TRPS1: variants seen among roughly 807,000 people sequenced by gnomAD.
TRPS1 encodes the protein zinc finger transcription factor Trps1.
TRPS1 carries 6 observed loss-of-function variants against 101.2 expected under a neutral mutation model. The ratio of observed to expected loss-of-function variants is 0.06; its 90% CI spans 0.03 to 0.12. The LOEUF is 0.12. TRPS1 is among the 10% of genes least tolerant of loss of function. The pLI is 1.00. For missense variants in TRPS1, 1,363 were observed against 1,567.0 expected (o/e 0.87, Z 2.20); for synonymous variants, 578 against 589.8 (o/e 0.98, Z 0.29).
chr8:115,463,376 T>C (rs73367491), intron 5 of TRPS1, among the ~76,000 whole-genome samples: 3,264 of 152,314 alleles, frequency 0.021, 120 homozygotes, highest in African/African-American at 0.069. Flanking sequence ...AGATATTTAT[T>C]TTATCCTCAG....
intron 3 of TRPS1, among the ~76,000 whole-genome samples, chr8:115,607,094 T>C (rs1818055316): frequency 6.6e-6 from 1 of 152,132 alleles, no homozygotes; most frequent in Admixed American, 6.6e-5. Context: ...CACTATTTCT[T>C]TGATTTTGCA....
At chr8:115,452,600 T>C (rs1188887791) in intron 5 of TRPS1, among the ~76,000 whole-genome samples, 3 of 152,214 alleles carry the variant, frequency 2.0e-5, no homozygotes, top group Non-Finnish European at 4.4e-5. Flanking sequence ...ACGTTCAAAC[T>C]GCTTTGTTGT....
intron 5 of TRPS1, among the ~76,000 whole-genome samples, chr8:115,495,209 A>C (rs1815119871): frequency 6.6e-6 from 1 of 152,170 alleles, no homozygotes; most frequent in Non-Finnish European, 1.5e-5. Context: ...AAGCTAAAGG[A>C]ATCACAAGGT....
At chr8:115,449,988 C>CACAG (rs1813827825) in intron 5 of TRPS1, among the ~76,000 whole-genome samples, 1 of 151,246 alleles carries the variant, frequency 6.6e-6, no homozygotes, top group Non-Finnish European at 1.5e-5. Context: ...CACACACACA[C>CACAG]AGACATACAC....
At chr8:115,492,483 G>A (rs891330949) in intron 5 of TRPS1, among the ~76,000 whole-genome samples, 8 of 74,254 alleles carry the variant, frequency 1.1e-4, no homozygotes, top group Admixed American at 2.8e-4. Flanking sequence ...GTGTGTGTGC[G>A]TGCGTGTGCG....
intron 3 of TRPS1, among the ~76,000 whole-genome samples, chr8:115,608,051 T>G (rs1028312937): frequency 1.3e-5 from 2 of 152,152 alleles, no homozygotes; most frequent in African/African-American, 4.8e-5. Flanking sequence ...TTATTGAAAC[T>G]TATTGTCTGG....
chr8:115,478,758 C>T (rs113499479), intron 5 of TRPS1, among the ~76,000 whole-genome samples: 4,479 of 150,956 alleles, frequency 0.03, 218 homozygotes, highest in African/African-American at 0.1. Context: ...GAGCCGAGAT[C>T]ACGCCACTGC....
Position 115,463,687 on chromosome 8 carries a change from T to C in TRPS1, c.2701-45235A>G, listed in dbSNP as rs555692042. On this transcript the variant is annotated intron_variant, in intron 5 of 6. Transcript: ENST00000395715. ...TTTCATTGATTTCAGCTCTCAAGTA[T>C]TCAACAATTTTTAATTTTAAAACAA... is the stretch of plus-strand genomic sequence containing the variant. Among the ~76,000 whole-genome samples, 8 of 152,302 alleles carry C rather than the reference T, an allele frequency of 5.3e-5. No homozygotes were observed. In the South Asian group the frequency reaches 1.0e-3, roughly 20 times the overall value.
At chr8:115,480,145 T>C (rs1180425230) in intron 5 of TRPS1, among the ~76,000 whole-genome samples, 1 of 152,100 alleles carries the variant, frequency 6.6e-6, no homozygotes. Context: ...GTCAGACAGA[T>C]TAAAATTAAG....
intron 5 of TRPS1, among the ~76,000 whole-genome samples, chr8:115,455,603 A>C (rs1813995620): frequency 6.6e-6 from 1 of 152,160 alleles, no homozygotes; most frequent in Admixed American, 6.5e-5. Context: ...TTAAACAGGT[A>C]ATACTGAACT....
chr8:115,598,434 G>T (rs923546622), intron 4 of TRPS1, among the ~76,000 whole-genome samples: 2 of 152,038 alleles, frequency 1.3e-5, no homozygotes, highest in African/African-American at 4.8e-5. Flanking sequence ...CAGCGCCTGA[G>T]TACCTGGGAC....
chr8:115,590,434 C>G (rs1817655061), intron 4 of TRPS1, among the ~76,000 whole-genome samples: 1 of 152,182 alleles, frequency 6.6e-6, no homozygotes, highest in South Asian at 2.1e-4. Context: ...ACTGACACTT[C>G]TACCAAAACT....
At chr8:115,592,625 T>A (rs947131422) in intron 4 of TRPS1, among the ~76,000 whole-genome samples, 1 of 152,130 alleles carries the variant, frequency 6.6e-6, no homozygotes, top group Non-Finnish European at 1.5e-5. Context: ...AGAAAACATA[T>A]TAAAAAGACA....
At chr8:115,457,443 T>C (rs1017202600) in intron 5 of TRPS1, among the ~76,000 whole-genome samples, 1 of 152,140 alleles carries the variant, frequency 6.6e-6, no homozygotes, top group Non-Finnish European at 1.5e-5. Flanking sequence ...AGGGTGGTTT[T>C]CAGGTGCTGA....
At chr8:115,648,154 G>A (rs370277422) in intron 1 of TRPS1, among the ~76,000 whole-genome samples, 1 of 152,290 alleles carries the variant, frequency 6.6e-6, no homozygotes, top group African/African-American at 2.4e-5. Context: ...AGTTTATGGA[G>A]AGAGGAAGCC....
chr8:115,668,138 T>G, intron 1 of TRPS1: 2 of 589,736 alleles, frequency 3.4e-6, no homozygotes, highest in South Asian at 2.0e-5. Context: ...TTGACCCTGC[T>G]GACTCCAGGG....
intron 5 of TRPS1, among the ~76,000 whole-genome samples, chr8:115,583,133 C>T (rs1817488215): frequency 6.6e-6 from 1 of 152,026 alleles, no homozygotes; most frequent in Non-Finnish European, 1.5e-5. Flanking sequence ...AAGTTTTCTG[C>T]AATGGAATAT....
chr8:115,505,537 T>C (rs1034755398), intron 5 of TRPS1, among the ~76,000 whole-genome samples: 5 of 152,148 alleles, frequency 3.3e-5, no homozygotes, highest in Non-Finnish European at 7.4e-5. Context: ...TACGTGTGAC[T>C]TTGTCATTGA....
chr8:115,486,469 T>C (rs186511586), intron 5 of TRPS1, among the ~76,000 whole-genome samples: 3 of 152,228 alleles, frequency 2.0e-5, no homozygotes, highest in African/African-American at 7.2e-5. Context: ...AAAACAGAAA[T>C]GATTAAGCTT....
Sources: allele counts gnomAD v4.1 joint callset (sites outside exome capture counted in the v4.1 genomes callset), GRCh38; gene constraint gnomAD v4.1.1; transcripts MANE v1.5; gene names NCBI Gene and HGNC (gene_info 2026-07-23, HGNC 2026-07-21).